Variants in SHOX observed in about 807,000 individuals in gnomAD.
The protein encoded by SHOX is short stature homeobox protein.
Under a neutral mutation model 29.6 loss-of-function variants are expected in SHOX, and 12 were observed. The ratio of observed to expected loss-of-function variants is 0.41; its 90% CI spans 0.26 to 0.66. The LOEUF is 0.66. SHOX is among the 30% of genes least tolerant of loss of function. The pLI, the probability that SHOX is intolerant of heterozygous loss-of-function variation, is 0.35. For synonymous variants in SHOX, 214 were observed against 200.6 expected, an observed-to-expected ratio of 1.07 and a Z score of -0.57; for missense variants, 499 against 437.7, an observed-to-expected ratio of 1.14 and a Z score of -1.25.
At chrX:651,788 C>G (rs2053069187), downstream of SHOX, among the ~76,000 whole-genome samples, 2 of 152,014 alleles carry the variant, frequency 1.3e-5, no homozygotes, top group South Asian at 4.2e-4. Flanking sequence ...GTATCCCATC[C>G]CCTTCCTTTA....
chrX:631,131 C>A lies in SHOX; in HGVS notation c.234C>A (p.Asp78Glu). Reference protein sequence around the residue: ...VHLFKDHVDNDKEKLKEFGTA... With the variant: ...VHLFKDHVDNEKEKLKEFGTA... The stretch of plus-strand genomic sequence containing the variant: ...TGTTCAAGGACCACGTAGACAATGA[C>A]AAGGAGAAACTGAAAGAATTCGGCA... The change falls in exon 1 of 5, where the codon GAC becomes GAA. Residue 78 changes from aspartate to glutamate, a missense_variant. Coordinates refer to ENST00000686671, the MANE Select transcript of SHOX (RefSeq NM_000451.4). 6.2e-7 allele frequency: 1 copy of A among 1,613,534 alleles called. No individual in the cohort carries two copies. Among genetic ancestry groups the A allele is most frequent in the Non-Finnish European group, 8.5e-7 (1 of 1,179,864 alleles).
chrX:632,369 G>A (rs759760644), intron 1 of SHOX, among the ~76,000 whole-genome samples: 9 of 152,326 alleles, frequency 5.9e-5, no homozygotes, highest in Admixed American at 2.0e-4. Flanking sequence ...ACAACTGGGC[G>A]GCATACATCT....
chrX:641,136 C>T (rs1207904478), intron 4 of SHOX, 49 bp downstream of exon 4: 2 of 1,556,716 alleles, frequency 1.3e-6, no homozygotes, highest in Admixed American at 3.3e-5. Context: ...CTGCTGCTCC[C>T]TTCCCCTTTC....
intron 4 of SHOX, among the ~76,000 whole-genome samples, chrX:642,597 G>C (rs1459894211): frequency 2.0e-5 from 3 of 152,218 alleles, no homozygotes; most frequent in Non-Finnish European, 4.4e-5. Flanking sequence ...TTGAGGTGGG[G>C]GAACGAGCCT....
In SHOX at chrX:641,072, G is replaced by C; in HGVS notation, c.618G>C (p.Arg206=). 1.9e-6 allele frequency: 3 copies of C among 1,613,830 alleles called. No homozygotes were observed. The highest frequency in any genetic ancestry group is 2.5e-6 in the Non-Finnish European group (3 of 1,179,860). Residue 206 remains arginine, a synonymous_variant, in exon 4 of 5, where the codon CGG becomes CGC. Transcript: ENST00000686671. ...VAPYVNMGAL[R]MPFQQVQAQL... is the part of the protein sequence containing the mutation. ...CCTACGTCAACATGGGAGCCTTACG[G>C]ATGCCTTTCCAACAGGTAGCTCACT...
At position 634,743 on chromosome X, in the gene SHOX, C is replaced by G. The variant is rs1603285354; in HGVS notation, c.403C>G (p.Leu135Val). ...GGAGCAGCTGAACGAGCTCGAGCGACTCTTCGACGAGACCCATTACCCCGA... is the reference window on the plus strand; with the variant it reads ...GGAGCAGCTGAACGAGCTCGAGCGAGTCTTCGACGAGACCCATTACCCCGA... ...TLEQLNELER[L>V]FDETHYPDAF... The change falls in exon 2 of 5, where the codon CTC becomes GTC. Residue 135 changes from leucine to valine, a missense_variant. Physicochemically the swap from Leu to Val is conservative, Grantham distance 32. Transcript: ENST00000686671. 1 of 1,612,588 alleles carries G rather than the reference C, an allele frequency of 6.2e-7. No individual in the cohort carries two copies. Among genetic ancestry groups the G allele is most frequent in the Non-Finnish European group, 8.5e-7 (1 of 1,179,406 alleles).
rs747499580 is a variant in SHOX at position 634,693 on chromosome X, G to C, written c.353G>C (p.Arg118Thr). The C allele has an allele frequency of 1.9e-6, 3 of 1,613,906 alleles. No individual in the cohort carries two copies. Among genetic ancestry groups the C allele is most frequent in the Admixed American group, 3.3e-5 (2 of 60,016 alleles). ...DEDGQTKLKQ[R>T]RSRTNFTLEQ... ...GACGGGCAGACCAAGCTGAAACAGA[G>C]GCGCAGCCGCACCAACTTCACGCTG... Residue 118 changes from arginine (R) to threonine (T), a missense_variant, in exon 2 of 5, where the codon AGG becomes ACG. By Grantham distance (71) the Arg-to-Thr change is moderately conservative. Transcript: ENST00000686671.
At chrX:642,286 G>C (rs2052869071) in intron 4 of SHOX, among the ~76,000 whole-genome samples, 2 of 151,812 alleles carry the variant, frequency 1.3e-5, no homozygotes, top group South Asian at 2.1e-4. Flanking sequence ...GTGCATGCGC[G>C]GGCGGAACGG....
intron 1 of SHOX, among the ~76,000 whole-genome samples, chrX:633,875 G>A (rs1302650062): frequency 6.6e-6 from 1 of 152,170 alleles, no homozygotes; most frequent in Non-Finnish European, 1.5e-5. Context: ...TTTTCACCTG[G>A]AAACGCTTGA....
At chrX:630,187 C>T (rs779414545), upstream of SHOX, among the ~76,000 whole-genome samples, 804 of 152,290 alleles carry the variant, frequency 5.3e-3, 7 homozygotes, top group African/African-American at 0.018. Flanking sequence ...CCGGCCCCTT[C>T]TTCTCACTTT....
At chrX:635,042 C>G (rs781048889) in intron 2 of SHOX, among the ~76,000 whole-genome samples, 1 of 152,052 alleles carries the variant, frequency 6.6e-6, no homozygotes, top group Non-Finnish European at 1.5e-5. Context: ...CAACAGCAAA[C>G]AAATATATAT....
chrX:642,825 C>T (rs935401577), intron 4 of SHOX, among the ~76,000 whole-genome samples: 2 of 150,356 alleles, frequency 1.3e-5, no homozygotes, highest in African/African-American at 2.5e-5. Context: ...ACCTGGTGTC[C>T]TGGGAGGGCC....
chrX:638,904 T>C (rs1476145774), intron 2 of SHOX, among the ~76,000 whole-genome samples: 1 of 152,160 alleles, frequency 6.6e-6, no homozygotes, highest in African/African-American at 2.4e-5. Context: ...GGTGACTGCC[T>C]TGTGGGTCAA....
At chrX:641,600 A>G (rs755343921) in intron 4 of SHOX, among the ~76,000 whole-genome samples, 24 of 151,528 alleles carry the variant, frequency 1.6e-4, no homozygotes, top group African/African-American at 5.8e-4. Context: ...GAATCACTTG[A>G]ACCTGGGAGG....
chrX:632,876 G>A (rs2052675691), intron 1 of SHOX, among the ~76,000 whole-genome samples: 1 of 152,132 alleles, frequency 6.6e-6, no homozygotes, highest in South Asian at 2.1e-4. Context: ...CGCAGCGCCC[G>A]GCGGCCGCTT....
chrX:645,909 A>G lies in SHOX; in HGVS notation c.*1273A>G, dbSNP rs2052957397. The G allele has an allele frequency of 6.6e-6, 1 of 151,634 alleles. No individual in the cohort carries two copies. The highest frequency in any genetic ancestry group is 1.5e-5 in the Non-Finnish European group (1 of 67,946). The allele number at this position is 151,634 out of a possible 1,614,324, so 9.4% of individuals were successfully genotyped here. Reference sequence around the variant, plus strand: ...CAGTTCTTTTATTTCTTTGTTTTTTATTTTTGAGACAGAGACTTGCTTTGT... The same window carrying G: ...CAGTTCTTTTATTTCTTTGTTTTTTGTTTTTGAGACAGAGACTTGCTTTGT... On this transcript the variant is annotated 3_prime_UTR_variant, in exon 5 of 5. Coordinates refer to ENST00000686671, the MANE Select transcript of SHOX (RefSeq NM_000451.4).
At chrX:639,208 T>C (rs1224051300) in intron 2 of SHOX, among the ~76,000 whole-genome samples, 3 of 152,214 alleles carry the variant, frequency 2.0e-5, no homozygotes, top group Non-Finnish European at 2.9e-5. Flanking sequence ...ACTCAACTTC[T>C]TGATAGTTTA....
chrX:625,666 T>C (rs2052514673), intron 1 of SHOX, among the ~76,000 whole-genome samples: 1 of 137,870 alleles, frequency 7.3e-6, no homozygotes, highest in Admixed American at 8.0e-5. Flanking sequence ...TCTGTCTTCG[T>C]TCCTCTCTCT....
chrX:632,129 G>C, intron 1 of SHOX: 1 of 384,756 alleles, frequency 2.6e-6, no homozygotes, highest in Non-Finnish European at 5.3e-6. Flanking sequence ...TCCCGTGAGC[G>C]GAGGTGGCCG....
Sources: gnomAD v4.1 joint callset for allele counts (sites outside exome capture counted in the v4.1 genomes callset) on GRCh38, gnomAD v4.1.1 for gene constraint, MANE v1.5 for transcripts, NCBI Gene and HGNC (gene_info 2026-07-23, HGNC 2026-07-21) for gene names.